PLBD2: variants seen among roughly 807,000 people sequenced by gnomAD.
The protein encoded by PLBD2 is putative aminopeptidase PLBD2.
Under a neutral mutation model 68.3 loss-of-function variants are expected in PLBD2, and 51 were observed. The ratio of observed to expected loss-of-function variants is 0.75; its 90% confidence interval spans 0.60 to 0.94. PLBD2 has a LOEUF of 0.94. Among genes scored for constraint, PLBD2 ranks in the 40% least tolerant of loss-of-function variants. The probability of loss-of-function intolerance (pLI) is 0.00; values close to 1 mark genes in which losing one functional copy is unlikely to be tolerated. For synonymous variants in PLBD2, 314 were observed against 339.3 expected (o/e 0.93, Z 0.82); for missense variants, 729 against 792.2 (o/e 0.92, Z 0.96).
chr12:113,384,975 G>A lies in PLBD2; in HGVS notation c.1214+29G>A. 6.4e-7 allele frequency: 1 copy of A among 1,573,524 alleles called. No individual in the cohort carries two copies. Among genetic ancestry groups the A allele is most frequent in the Admixed American group, 1.7e-5 (1 of 58,236 alleles). ...CGTACCCTGGGAGGGAGGGGTGGGG[G>A]CTCGGGGCAGAGGGGACTGCCAGGG... On this transcript the variant is annotated intron_variant, in intron 8 of 11. Transcript: ENST00000280800. The surrounding 1 kb of genome is among the most constrained non-coding windows in gnomAD (Gnocchi z 4.2).
At position 113,388,698 on chromosome 12, in the gene PLBD2, G is replaced by A. The variant is rs962477160; in HGVS notation, c.*72G>A. 31 of 1,464,922 alleles carry A rather than the reference G, an allele frequency of 2.1e-5. No homozygotes were observed. Among genetic ancestry groups the A allele is most frequent in the Admixed American group, 7.6e-5 (3 of 39,224 alleles). 90.7% of individuals were successfully genotyped at this position (1,464,922 alleles called of 1,614,324 possible). On this transcript the variant is annotated 3_prime_UTR_variant, in exon 12 of 12. Transcript: ENST00000280800. ...GGGTCACCCCCGTCCCAAGGCCACC[G>A]GACTTCTAACTCCAGCCCCTCCTGG... is the stretch of plus-strand genomic sequence containing the variant.
intron 5 of PLBD2, among the ~76,000 whole-genome samples, chr12:113,378,755 G>A (rs1175205093): frequency 2.0e-5 from 3 of 150,768 alleles, no homozygotes; most frequent in South Asian, 2.1e-4. Flanking sequence ...GCACAATCTC[G>A]GCTCACTTCA....
intron 9 of PLBD2, among the ~76,000 whole-genome samples, chr12:113,386,671 A>G (rs1387471431): frequency 6.6e-6 from 1 of 152,000 alleles, no homozygotes; most frequent in African/African-American, 2.4e-5. Flanking sequence ...GGCACACACC[A>G]CCGTGCCTGG....
chr12:113,359,243 A>AG (rs1723537378), intron 1 of PLBD2: 2 of 229,756 alleles, frequency 8.7e-6, no homozygotes, highest in Admixed American at 1.2e-4. Context: ...TCCCTTCCCT[A>AG]GACTTTGCCT....
rs1957426709 is a variant in PLBD2 at position 113,374,955 on chromosome 12, C to T, written c.807C>T (p.His269=). 1 of 1,614,170 alleles carries T rather than the reference C, an allele frequency of 6.2e-7. No individual in the cohort carries two copies. Among genetic ancestry groups the T allele is most frequent in the Non-Finnish European group, 8.5e-7 (1 of 1,180,042 alleles). The change falls in exon 5 of 12, where the codon CAC becomes CAT. Residue 269 remains histidine, a synonymous_variant. Coordinates refer to ENST00000280800, the MANE Select transcript of PLBD2 (RefSeq NM_173542.4). ...VAHNTWNNYQ[H]MLRVIKKYWL... ...ACAACACCTGGAACAACTACCAGCACATGCTGCGTGTCATCAAGAAGTACT... is the reference window on the plus strand; with the variant it reads ...ACAACACCTGGAACAACTACCAGCATATGCTGCGTGTCATCAAGAAGTACT...
At position 113,390,405 on chromosome 12, in the gene PLBD2, T is replaced by C. The variant is rs1333173356; in HGVS notation, c.*1779T>C. The stretch of plus-strand genomic sequence containing the variant: ...TGTTCATTTTCCATCCATCTACCCG[T>C]CCACCCATTCACTCCTCCATCCACC... On this transcript the variant is annotated 3_prime_UTR_variant, in exon 12 of 12. Transcript: ENST00000280800. 1 of 151,462 alleles carries C rather than the reference T, an allele frequency of 6.6e-6. No homozygotes were observed. The highest frequency in any genetic ancestry group is 1.5e-5 in the Non-Finnish European group (1 of 67,904). 9.4% of individuals were successfully genotyped at this position (151,462 alleles called of 1,614,324 possible).
intron 9 of PLBD2, among the ~76,000 whole-genome samples, chr12:113,385,815 A>G (rs1023261723): frequency 2.0e-5 from 3 of 151,964 alleles, no homozygotes; most frequent in Non-Finnish European, 2.9e-5. Flanking sequence ...CAATGGTGCA[A>G]TCTCAGCTCA....
At chr12:113,366,657 G>A (rs747057851) in intron 1 of PLBD2, among the ~76,000 whole-genome samples, 22 of 151,556 alleles carry the variant, frequency 1.5e-4, no homozygotes, top group Admixed American at 2.6e-4. Flanking sequence ...AAATTATTTC[G>A]TGTAGACAGA....
At chr12:113,383,996 C>CAAAAA (rs376758985) in intron 6 of PLBD2, 109 bp from the exon 7 acceptor site, 86 of 494,182 alleles carry the variant, frequency 1.7e-4, no homozygotes, top group Non-Finnish European at 1.3e-4. Context: ...GACTCTATCT[C>CAAAAA]AAAAAAAAAA....
At chr12:113,385,561 C>A (rs1957543297) in intron 9 of PLBD2, among the ~76,000 whole-genome samples, 1 of 152,196 alleles carries the variant, frequency 6.6e-6, no homozygotes. Flanking sequence ...ATCTGCCTTA[C>A]TGGGCTGTAC....
intron 5 of PLBD2, among the ~76,000 whole-genome samples, chr12:113,376,353 G>A (rs1294000445): frequency 5.5e-5 from 8 of 146,260 alleles, no homozygotes; most frequent in South Asian, 4.4e-4. Flanking sequence ...TAGTAGAGAC[G>A]GGGTTTTGCC....
chr12:113,385,023 C>A (rs1049187607), intron 8 of PLBD2, 77 bp downstream of exon 8: 2 of 1,438,840 alleles, frequency 1.4e-6, no homozygotes, highest in South Asian at 1.2e-5. Context: ...GCCGTGCTGG[C>A]GCTGTGCAGG....
Position 113,384,333 on chromosome 12 carries a change from C to A in PLBD2, c.1118+68C>A. On this transcript the variant is annotated intron_variant, in intron 7 of 11. Coordinates refer to ENST00000280800, the MANE Select transcript of PLBD2 (RefSeq NM_173542.4). The surrounding 1 kb of genome is among the most constrained non-coding windows in gnomAD (Gnocchi z 4.2). Reference sequence around the variant, plus strand: ...ATAGACCAACCTCCCCTTTAACACTCACACTCCTGGGGACCAGATGTGGCA... The same window carrying A: ...ATAGACCAACCTCCCCTTTAACACTAACACTCCTGGGGACCAGATGTGGCA... 1 of 1,535,952 alleles carries A rather than the reference C, an allele frequency of 6.5e-7. No individual in the cohort carries two copies.
intron 5 of PLBD2, among the ~76,000 whole-genome samples, chr12:113,379,390 TG>T (rs1175822441): frequency 6.6e-6 from 1 of 151,648 alleles, no homozygotes; most frequent in Non-Finnish European, 1.5e-5. Flanking sequence ...GGAAGAGGTC[TG>T]GGTAGAATCC....
Position 113,384,725 on chromosome 12 carries a change from G to T in PLBD2, c.1119-126G>T, listed in dbSNP as rs888343211. On this transcript the variant is annotated intron_variant, in intron 7 of 11. Coordinates refer to ENST00000280800, the MANE Select transcript of PLBD2 (RefSeq NM_173542.4). This position sits in a 1 kb window ranked among gnomAD's most constrained non-coding sequence, Gnocchi z 4.2. ...GTCATGCTGCAGCGTCAGGGTGTCA[G>T]TTGAATGGCTGGACAACCCCAGGCC... The T allele has an allele frequency of 1.3e-5, 9 of 713,432 alleles. No homozygotes were observed. The highest frequency in any genetic ancestry group is 3.4e-5 in the South Asian group (2 of 58,478). The allele number at this position is 713,432 out of a possible 1,614,324, so 44.2% of individuals were successfully genotyped here.
At chr12:113,373,346 A>G (rs1026365878) in intron 3 of PLBD2, among the ~76,000 whole-genome samples, 11 of 152,248 alleles carry the variant, frequency 7.2e-5, no homozygotes, top group African/African-American at 2.7e-4. Flanking sequence ...TTCCCCGGAA[A>G]ATGTCAGGTG....
In PLBD2 at chr12:113,374,474, G is replaced by T. The variant is rs571164959; in HGVS notation, c.544G>T (p.Val182Leu). ...CCTCTGCCCCCGCCCCCTCCCCTAGGTGCGGCTGACCCTCCTGCAGCTGAA... is the reference window on the plus strand; with the variant it reads ...CCTCTGCCCCCGCCCCCTCCCCTAGTTGCGGCTGACCCTCCTGCAGCTGAA... The part of the protein sequence containing the change: ...SNPDSPYWHQ[V>L]RLTLLQLKGL... Residue 182 changes from valine (V) to leucine (L), a missense_variant and splice_region_variant, in exon 4 of 12, where the codon GTG (valine) becomes TTG (leucine). By Grantham distance (32) the Val-to-Leu change is conservative (BLOSUM62 1). Transcript: ENST00000280800. 1 of 1,591,662 alleles carries T rather than the reference G, an allele frequency of 6.3e-7. No homozygotes were observed. Among genetic ancestry groups the T allele is most frequent in the Non-Finnish European group, 8.6e-7 (1 of 1,169,342 alleles).
Position 113,391,156 on chromosome 12 carries a change from A to AT in PLBD2, c.*2530_*2531insT, listed in dbSNP as rs772511019. On this transcript the variant is annotated 3_prime_UTR_variant, in exon 12 of 12. Transcript: ENST00000280800. Reference sequence around the variant, plus strand: ...GGTATACAGACAGATACAAAAAAAAAGGCTCTCTCCCTGTCTGATCTCATG... The same window carrying AT: ...GGTATACAGACAGATACAAAAAAAAATGGCTCTCTCCCTGTCTGATCTCATG... 1.3e-5 allele frequency: 2 copies of AT among 152,156 alleles called. No homozygotes were observed. Among genetic ancestry groups the AT allele is most frequent in the South Asian group, 2.1e-4 (1 of 4,806 alleles). The allele number at this position is 152,156 out of a possible 1,614,324, so 9.4% of individuals were successfully genotyped here.
intron 1 of PLBD2, among the ~76,000 whole-genome samples, chr12:113,366,459 TAAAACAC>T (rs1455641949): frequency 6.9e-6 from 1 of 145,540 alleles, no homozygotes; most frequent in Non-Finnish European, 1.6e-5. Context: ...AAAAACCAAT[TAAAACAC>T]AAACATATTT....
Sources: allele counts gnomAD v4.1 joint callset (sites outside exome capture counted in the v4.1 genomes callset), GRCh38; gene constraint gnomAD v4.1.1; non-coding constraint Gnocchi (gnomAD v3.1); transcripts MANE v1.5; gene names NCBI Gene and HGNC (gene_info 2026-07-23, HGNC 2026-07-21).